Variants in TMEM132B observed in about 807,000 individuals in gnomAD.
The protein encoded by TMEM132B is transmembrane protein 132B.
A neutral mutation model predicts 90.8 loss-of-function variants in TMEM132B; 18 were observed. The observed-to-expected ratio is 0.20, with a 90% CI of 0.14 to 0.29. The LOEUF is 0.29. TMEM132B is among the 10% of genes least tolerant of loss of function. TMEM132B has a pLI of 1.00. For synonymous variants in TMEM132B, 504 were observed against 523.3 expected, an observed-to-expected ratio of 0.96 and a Z score of 0.50; for missense variants, 1,096 against 1,326.8, an observed-to-expected ratio of 0.83 and a Z score of 2.70.
intron 1 of TMEM132B, among the ~76,000 whole-genome samples, chr12:125,296,817 A>C (rs1442116679): frequency 6.6e-6 from 1 of 151,996 alleles, no homozygotes; most frequent in Non-Finnish European, 1.5e-5. Context: ...GGGCAGGAGG[A>C]CTCCTCAGGC....
Position 125,613,375 on chromosome 12 carries a change from T to G in TMEM132B, c.1437+29381T>G, listed in dbSNP as rs193224797. On this transcript the variant is annotated intron_variant, in intron 5 of 8. Transcript: ENST00000682704. ...CAAAATATTTCTCCTGTAGACAACATAGTTGGATCTTCCATTTTAATCCAG... is the reference window on the plus strand; with the variant it reads ...CAAAATATTTCTCCTGTAGACAACAGAGTTGGATCTTCCATTTTAATCCAG... 1.7e-3 allele frequency among the ~76,000 whole-genome samples: 253 copies of G among 150,632 alleles called. 4 individuals are homozygous for G. The highest frequency in any genetic ancestry group is 0.012 in the East Asian group (62 of 5,154).
intron 3 of TMEM132B, among the ~76,000 whole-genome samples, chr12:125,418,045 G>T (rs887366096): frequency 2.0e-5 from 3 of 152,148 alleles, no homozygotes; most frequent in African/African-American, 4.8e-5. Flanking sequence ...TCCTGCTGTT[G>T]TGCTACAGGA....
chr12:125,660,217 C>G lies in TMEM132B; in HGVS notation c.*5507C>G, dbSNP rs1309754909. ...TGAGCCAAGATCGTACCACTGCACT[C>G]TGGCCTGGGCAACAAGAGCGAGACT... On this transcript the variant is annotated 3_prime_UTR_variant, in exon 9 of 9. Coordinates refer to ENST00000682704, the MANE Select transcript of TMEM132B (RefSeq NM_001366854.1). The G allele has an allele frequency of 2.0e-5, 3 of 152,214 alleles. No homozygotes were observed. The highest frequency in any genetic ancestry group is 4.8e-5 in the African/African-American group (2 of 41,446). The allele number at this position is 152,214 out of a possible 1,614,324, so 9.4% of individuals were successfully genotyped here.
chr12:125,512,108 C>T (rs988819411), intron 3 of TMEM132B, among the ~76,000 whole-genome samples: 2 of 152,136 alleles, frequency 1.3e-5, no homozygotes, highest in African/African-American at 4.8e-5. Context: ...CAAAAGGTGC[C>T]TACTAGGGAG....
intron 1 of TMEM132B, among the ~76,000 whole-genome samples, chr12:125,344,960 C>A (rs1446028179): frequency 6.6e-6 from 1 of 152,148 alleles, no homozygotes; most frequent in Non-Finnish European, 1.5e-5. Flanking sequence ...CCAACCTGAA[C>A]TAATATTAAT....
In TMEM132B at chr12:125,519,548, G is replaced by A; in HGVS notation, c.1216G>A (p.Asp406Asn). The change falls in exon 4 of 9, where the codon GAC becomes AAC. Residue 406 changes from aspartate (D) to asparagine (N), a missense_variant. By Grantham distance (23) the Asp-to-Asn change is conservative (BLOSUM62 1). Coordinates refer to ENST00000682704, the MANE Select transcript of TMEM132B (RefSeq NM_001366854.1). ...CTGGCAGGTGGAGTACCCGATTGAG[G>A]ACTCCATGAGTGAGCTGGTCGTCTC... ...ITWQVEYPIE[D>N]SMSELVVSEI... The A allele has an allele frequency of 6.2e-7, 1 of 1,614,086 alleles. No homozygotes were observed. Among genetic ancestry groups the A allele is most frequent in the Non-Finnish European group, 8.5e-7 (1 of 1,179,994 alleles).
At chr12:125,241,736 G>A (rs920836799) in intron 1 of TMEM132B, among the ~76,000 whole-genome samples, 15 of 152,164 alleles carry the variant, frequency 9.9e-5, no homozygotes, top group African/African-American at 1.9e-4. Flanking sequence ...GCTAGAAGCC[G>A]TCCAGTCCAT....
At chr12:125,468,657 A>G (rs1881633727) in intron 3 of TMEM132B, among the ~76,000 whole-genome samples, 3 of 152,196 alleles carry the variant, frequency 2.0e-5, no homozygotes, top group African/African-American at 7.2e-5. Flanking sequence ...TGTTTTGATT[A>G]CATATTTTGA....
rs1424933958 is a variant in TMEM132B at position 125,251,716 on chromosome 12, G to C, written c.67+64850G>C. Among the ~76,000 whole-genome samples the C allele has an allele frequency of 6.6e-5, 10 of 152,196 alleles. No individual in the cohort carries two copies. Among genetic ancestry groups the C allele is most frequent in the Non-Finnish European group, 7.3e-5 (5 of 68,034 alleles). Reference sequence around the variant, plus strand: ...AGATGAAGGGGACAGTGGTAACTCAGTTCTAGTTTATTGGTTCTGTTTGGG... The same window carrying C: ...AGATGAAGGGGACAGTGGTAACTCACTTCTAGTTTATTGGTTCTGTTTGGG... On this transcript the variant is annotated intron_variant, in intron 1 of 8. Transcript: ENST00000682704. This position sits in a 1 kb window ranked among gnomAD's most constrained non-coding sequence, Gnocchi z 4.4.
At chr12:125,399,320 G>A (rs900641082) in intron 2 of TMEM132B, among the ~76,000 whole-genome samples, 3 of 152,190 alleles carry the variant, frequency 2.0e-5, no homozygotes, top group African/African-American at 7.2e-5. Context: ...CATATGGCAT[G>A]TACTGTCACC....
chr12:125,187,178 C>G (rs1957765152), intron 1 of TMEM132B, among the ~76,000 whole-genome samples: 2 of 152,236 alleles, frequency 1.3e-5, no homozygotes, highest in African/African-American at 2.4e-5. Flanking sequence ...AGCCCCCTCC[C>G]CGCCCTGCCT....
At chr12:125,651,088 T>C (rs61940803) in intron 7 of TMEM132B, 135 bp downstream of exon 7, 17,010 of 1,219,436 alleles carry the variant, frequency 0.014, 160 homozygotes, top group Non-Finnish European at 0.017. Flanking sequence ...GTGCATGTAT[T>C]GCCTCTGTTT....
Position 125,519,588 on chromosome 12 carries a change from G to A in TMEM132B, c.1256G>A (p.Ser419Asn), listed in dbSNP as rs368633422. Residue 419 changes from serine to asparagine, a missense_variant, in exon 4 of 9, where the codon AGC becomes AAC. Physicochemically the swap from Ser to Asn is conservative, Grantham distance 46 (BLOSUM62 1). Coordinates refer to ENST00000682704, the MANE Select transcript of TMEM132B (RefSeq NM_001366854.1). ...SELVVSEIFV[S>N]QTTFVGIVPL... ...CTGGTCGTCTCCGAGATCTTCGTCA[G>A]CCAGACAACCTTCGTGGGCATCGTC... is the stretch of plus-strand genomic sequence containing the variant. The A allele has an allele frequency of 8.1e-6, 13 of 1,614,036 alleles. No homozygotes were observed. Among genetic ancestry groups the A allele is most frequent in the Non-Finnish European group, 1.1e-5 (13 of 1,180,042 alleles).
At chr12:125,563,169 TAA>T (rs1884577689) in intron 4 of TMEM132B, among the ~76,000 whole-genome samples, 1 of 148,598 alleles carries the variant, frequency 6.7e-6, no homozygotes, top group East Asian at 2.0e-4. Context: ...ATAATAATAA[TAA>T]TAATAATAAT....
intron 1 of TMEM132B, among the ~76,000 whole-genome samples, chr12:125,262,325 A>AC (rs1386784627): frequency 6.6e-6 from 1 of 152,080 alleles, no homozygotes. Context: ...ATTCAGTCCA[A>AC]AGACTGAATC....
At chr12:125,515,552 TTCAG>T (rs1338307806) in intron 3 of TMEM132B, among the ~76,000 whole-genome samples, 1 of 144,354 alleles carries the variant, frequency 6.9e-6, no homozygotes, top group South Asian at 2.2e-4. Flanking sequence ...CACACATTCA[TTCAG>T]TCTGTCTCCC....
chr12:125,491,067 T>C (rs868000231), intron 3 of TMEM132B, among the ~76,000 whole-genome samples: 4 of 152,088 alleles, frequency 2.6e-5, no homozygotes, highest in Admixed American at 1.3e-4. Flanking sequence ...ACTGCAGCCC[T>C]GGATGACAGC....
intron 1 of TMEM132B, among the ~76,000 whole-genome samples, chr12:125,187,823 C>G (rs1484483079): frequency 7.3e-6 from 1 of 137,524 alleles, no homozygotes; most frequent in Admixed American, 7.9e-5. Context: ...CTCAGATGAA[C>G]CCCGGGAACA....
At chr12:125,629,139 T>C (rs1393530731) in intron 5 of TMEM132B, among the ~76,000 whole-genome samples, 1 of 152,078 alleles carries the variant, frequency 6.6e-6, no homozygotes, top group Non-Finnish European at 1.5e-5. Flanking sequence ...CTGGGTCTTT[T>C]GTGGTTCCAT....
Sources: allele counts gnomAD v4.1 joint callset (sites outside exome capture counted in the v4.1 genomes callset), GRCh38; gene constraint gnomAD v4.1.1; non-coding constraint Gnocchi (gnomAD v3.1); transcripts MANE v1.5; gene names NCBI Gene and HGNC (gene_info 2026-07-23, HGNC 2026-07-21).